Variants in THSD7B observed in about 807,000 individuals in gnomAD.
THSD7B encodes thrombospondin type-1 domain-containing protein 7B.
A neutral mutation model predicts 213.6 loss-of-function variants in THSD7B; 138 were observed. That is an observed-to-expected ratio of 0.65 (90% CI 0.56 to 0.74). The LOEUF is 0.74. THSD7B is among the 30% of genes least tolerant of loss of function. THSD7B has a pLI of 0.00. For synonymous variants in THSD7B, 742 were observed against 687.0 expected (o/e 1.08, Z -1.25); for missense variants, 1,931 against 1,991.5 (o/e 0.97, Z 0.58).
At chr2:137,079,555 A>G (rs902912353) in intron 3 of THSD7B, among the ~76,000 whole-genome samples, 2 of 152,152 alleles carry the variant, frequency 1.3e-5, no homozygotes, top group East Asian at 3.9e-4. Context: ...TCTTGTTTTA[A>G]TTTGGCTGTC....
intron 5 of THSD7B, among the ~76,000 whole-genome samples, chr2:137,148,995 A>C (rs1337220342): frequency 2.0e-5 from 3 of 152,112 alleles, no homozygotes; most frequent in African/African-American, 7.2e-5. Context: ...CCCTCCCATC[A>C]CAGGCCTGGA....
chr2:137,610,585 G>A (rs919585514), intron 17 of THSD7B, among the ~76,000 whole-genome samples: 1 of 152,074 alleles, frequency 6.6e-6, no homozygotes, highest in South Asian at 2.1e-4. Context: ...CCCTGTGAAA[G>A]GAAATATTCT....
chr2:137,609,262 A>G (rs1477088278), intron 17 of THSD7B, among the ~76,000 whole-genome samples: 1 of 152,212 alleles, frequency 6.6e-6, no homozygotes, highest in Non-Finnish European at 1.5e-5. Context: ...AGAAGCACCA[A>G]ATTAATATAT....
chr2:137,083,339 A>G (rs1287332475), intron 3 of THSD7B, among the ~76,000 whole-genome samples: 1 of 152,136 alleles, frequency 6.6e-6, no homozygotes, highest in African/African-American at 2.4e-5. Flanking sequence ...GTGATCCTTT[A>G]TATTTATTTT....
intron 2 of THSD7B, among the ~76,000 whole-genome samples, chr2:137,003,903 C>T (rs775727764): frequency 2.6e-5 from 4 of 152,166 alleles, no homozygotes; most frequent in Non-Finnish European, 2.9e-5. Context: ...CAGACTTTAC[C>T]GCATTTTATT....
At chr2:137,316,722 C>T (rs1313189920) in intron 12 of THSD7B, among the ~76,000 whole-genome samples, 12 of 144,442 alleles carry the variant, frequency 8.3e-5, no homozygotes, top group Non-Finnish European at 1.8e-4. Context: ...GGTGCCACTG[C>T]ACTCCAGCCT....
intron 14 of THSD7B, among the ~76,000 whole-genome samples, chr2:137,436,595 A>G (rs925504527): frequency 1.1e-4 from 16 of 152,186 alleles, no homozygotes; most frequent in African/African-American, 3.4e-4. Flanking sequence ...TTAGTGATCA[A>G]TTAGCAAGCC....
intron 15 of THSD7B, among the ~76,000 whole-genome samples, chr2:137,495,735 A>G (rs1002184134): frequency 6.6e-6 from 1 of 152,166 alleles, no homozygotes; most frequent in Non-Finnish European, 1.5e-5. Context: ...TTACACAACA[A>G]AAAGGGACTG....
chr2:137,089,358 GTGTA>G (rs1687906683), intron 3 of THSD7B, among the ~76,000 whole-genome samples: 1 of 149,080 alleles, frequency 6.7e-6, no homozygotes, highest in Admixed American at 6.7e-5. Flanking sequence ...ATATATGTGT[GTGTA>G]TATGTATATG....
At chr2:137,454,222 C>A (rs1423019558) in intron 15 of THSD7B, among the ~76,000 whole-genome samples, 2 of 152,112 alleles carry the variant, frequency 1.3e-5, no homozygotes, top group Admixed American at 6.5e-5. Flanking sequence ...TACATTTGCA[C>A]CAAATGTGTA....
rs58196670 is a variant in THSD7B at position 136,882,271 on chromosome 2, A to G, written c.93A>G (p.Ala31=). 0.018 allele frequency: 27,237 copies of G among 1,544,326 alleles called. 618 individuals carry two copies. The highest frequency in any genetic ancestry group is 0.1 in the East Asian group (4,019 of 40,346). The change falls in exon 2 of 28, where the codon GCA becomes GCG. Residue 31 remains alanine (A), a synonymous_variant. Coordinates refer to ENST00000409968, the MANE Select transcript of THSD7B (RefSeq NM_001316349.2). ...TGCTTTCTCTCTTGCTGTCCCATGC[A>G]GCTCATTTGGAAGGCAAAAAGGATA... is the stretch of plus-strand genomic sequence containing the variant. ...FLLLSLLLSH[A]AHLEGKKDNQ... is the part of the protein sequence containing the mutation.
chr2:137,153,179 T>C (rs1389093317), intron 5 of THSD7B, among the ~76,000 whole-genome samples: 1 of 152,192 alleles, frequency 6.6e-6, no homozygotes. Flanking sequence ...TTGACTTTGA[T>C]TTCTTTCTAA....
intron 1 of THSD7B, among the ~76,000 whole-genome samples, chr2:136,825,768 T>A (rs1682638466): frequency 6.7e-6 from 1 of 148,170 alleles, no homozygotes; most frequent in Admixed American, 6.9e-5. Flanking sequence ...GCCAGACTGG[T>A]CTCAAACTCC....
chr2:137,107,892 G>T (rs1025867397), intron 4 of THSD7B, among the ~76,000 whole-genome samples: 1 of 152,134 alleles, frequency 6.6e-6, no homozygotes, highest in African/African-American at 2.4e-5. Flanking sequence ...AAAATTACTG[G>T]AGCATAAAAT....
intron 2 of THSD7B, among the ~76,000 whole-genome samples, chr2:136,890,517 T>TTCTTCTTCTTTCTTCTTC (rs1446688915): frequency 1.7e-5 from 1 of 59,030 alleles, no homozygotes; most frequent in African/African-American, 7.3e-5. Flanking sequence ...CTTCTTCTTC[T>TTCTTCTTCTTTCTTCTTC]TTCTTCTTCT....
chr2:137,604,221 A>G (rs1293870607), intron 17 of THSD7B, among the ~76,000 whole-genome samples: 1 of 152,210 alleles, frequency 6.6e-6, no homozygotes, highest in Non-Finnish European at 1.5e-5. Context: ...TTCAAGAAGT[A>G]TAAAAAGAAG....
chr2:137,098,350 C>T (rs4954463), intron 4 of THSD7B, among the ~76,000 whole-genome samples: 40,588 of 152,118 alleles, frequency 0.27, 7,563 homozygotes, highest in African/African-American at 0.51. Flanking sequence ...CTATGTTAAG[C>T]ATTTGAGATA....
At chr2:137,337,101 C>T (rs947035466) in intron 12 of THSD7B, among the ~76,000 whole-genome samples, 2 of 151,332 alleles carry the variant, frequency 1.3e-5, no homozygotes, top group East Asian at 1.9e-4. Flanking sequence ...TTATAGATAC[C>T]TAATAATAAT....
At chr2:137,362,050 C>T (rs940629387) in intron 12 of THSD7B, among the ~76,000 whole-genome samples, 5 of 152,152 alleles carry the variant, frequency 3.3e-5, no homozygotes, top group African/African-American at 1.2e-4. Flanking sequence ...AGAAACTCTA[C>T]AAGCCAGAAG....
Sources: gnomAD v4.1 joint callset for allele counts (sites outside exome capture counted in the v4.1 genomes callset) on GRCh38, gnomAD v4.1.1 for gene constraint, MANE v1.5 for transcripts, NCBI Gene and HGNC (gene_info 2026-07-23, HGNC 2026-07-21) for gene names.